MYOM1: variants seen among roughly 807,000 people sequenced by gnomAD.
The protein encoded by MYOM1 is myomesin 1, also known as myomesin-1.
In MYOM1, 164 loss-of-function variants were observed where a neutral mutation model predicts 205.3. That is an observed-to-expected ratio of 0.80 (90% CI 0.70 to 0.91). The LOEUF is 0.91. MYOM1 is among the 40% of genes least tolerant of loss of function. The pLI is 0.00. For synonymous variants in MYOM1, 772 were observed against 789.4 expected, an observed-to-expected ratio of 0.98 and a Z score of 0.37; for missense variants, 2,011 against 2,127.3, an observed-to-expected ratio of 0.95 and a Z score of 1.08.
intron 14 of MYOM1, among the ~76,000 whole-genome samples, chr18:3,136,556 A>G (rs1445207255): frequency 1.3e-5 from 2 of 151,666 alleles, no homozygotes; most frequent in Non-Finnish European, 2.9e-5. Flanking sequence ...CCTCCCAAGT[A>G]GTTGGGACTA....
rs1049818461 is a variant in MYOM1 at position 3,094,117 on chromosome 18, C to G, written c.3864+53G>C. 3.8e-6 allele frequency: 6 copies of G among 1,573,772 alleles called. No individual in the cohort carries two copies. The African/African-American group carries it at 8.1e-5, about 21-fold the overall frequency. On this transcript the variant is annotated intron_variant, in intron 26 of 37. Transcript: ENST00000356443. ...CATATCCACATCCACATAAGGCTTCCTCAGTGTATTCTACAATGATACATT... is the reference window on the plus strand; with the variant it reads ...CATATCCACATCCACATAAGGCTTCGTCAGTGTATTCTACAATGATACATT...
rs192272676 is a variant in MYOM1 at position 3,071,157 on chromosome 18, C to T, written c.4764+677G>A. Among the ~76,000 whole-genome samples, 216 of 152,170 alleles carry T rather than the reference C, an allele frequency of 1.4e-3. 2 individuals carry two copies. Among genetic ancestry groups the T allele is most frequent in the African/African-American group, 4.8e-3 (198 of 41,508 alleles). On this transcript the variant is annotated intron_variant, in intron 37 of 37. Coordinates refer to ENST00000356443, the MANE Select transcript of MYOM1 (RefSeq NM_003803.4). ...AAGCCTGTTTTCAACAGAACTAGAG[C>T]CTATAGAAATTTTCATATTCCACTC...
chr18:3,168,767 C>A (rs1166750727), intron 9 of MYOM1, 50 bp downstream of exon 9: 4 of 1,598,180 alleles, frequency 2.5e-6, no homozygotes, highest in Non-Finnish European at 2.6e-6. Flanking sequence ...GCAATCTGGT[C>A]TACAACCTTC....
the MYOM1 span, among the ~76,000 whole-genome samples, chr18:3,231,534 C>CTTTTTTTTT: frequency 8.3e-6 from 1 of 120,220 alleles, no homozygotes. Flanking sequence ...AATATGCATC[C>CTTTTTTTTT]TTTTTTTTTT....
At chr18:3,225,778 G>T in the MYOM1 span, among the ~76,000 whole-genome samples, 1 of 152,120 alleles carries the variant, frequency 6.6e-6, no homozygotes, top group Non-Finnish European at 1.5e-5. Context: ...CTCCCAGCAC[G>T]CCCCTTCTTC....
intron 10 of MYOM1, among the ~76,000 whole-genome samples, chr18:3,155,404 T>C (rs975383808): frequency 6.6e-6 from 1 of 152,154 alleles, no homozygotes; most frequent in Non-Finnish European, 1.5e-5. Flanking sequence ...TTTTGTATTT[T>C]TGGTAGAGAT....
intron 14 of MYOM1, among the ~76,000 whole-genome samples, chr18:3,136,488 C>T (rs1026432832): frequency 6.6e-6 from 1 of 152,064 alleles, no homozygotes; most frequent in African/African-American, 2.4e-5. Flanking sequence ...TACAGTGGCA[C>T]AATCACGGCT....
At chr18:3,157,513 A>G (rs1455932519) in intron 10 of MYOM1, among the ~76,000 whole-genome samples, 1 of 151,800 alleles carries the variant, frequency 6.6e-6, no homozygotes, top group Non-Finnish European at 1.5e-5. Context: ...CTCTGTCTCT[A>G]TGCATTTTAA....
chr18:3,069,921 C>A (rs1390222217), intron 37 of MYOM1, among the ~76,000 whole-genome samples: 1 of 152,104 alleles, frequency 6.6e-6, no homozygotes, highest in African/African-American at 2.4e-5. Flanking sequence ...ACAAAAGAAC[C>A]CCTGCAGTGG....
chr18:3,195,491 T>C (rs1310202635), intron 2 of MYOM1, among the ~76,000 whole-genome samples: 1 of 152,168 alleles, frequency 6.6e-6, no homozygotes, highest in African/African-American at 2.4e-5. Context: ...TTTAAAGTGG[T>C]ATTTTCCCTC....
chr18:3,223,241 AATAAG>A (rs1426699032), upstream of MYOM1, among the ~76,000 whole-genome samples: 2 of 152,254 alleles, frequency 1.3e-5, no homozygotes, highest in Non-Finnish European at 2.9e-5. Flanking sequence ...AAGATAATCA[AATAAG>A]ATATTGTAAA....
Position 3,155,125 on chromosome 18 carries a change from G to T in MYOM1, c.1502-37C>A, listed in dbSNP as rs377193878. Reference sequence around the variant, plus strand: ...GAGAAGGATCCCATTAACCCTCTCAGACATGCTGTCAGTCGGCAGGCAGGT... The same window carrying T: ...GAGAAGGATCCCATTAACCCTCTCATACATGCTGTCAGTCGGCAGGCAGGT... On this transcript the variant is annotated intron_variant, in intron 10 of 37. Coordinates refer to ENST00000356443, the MANE Select transcript of MYOM1 (RefSeq NM_003803.4). 8.9e-6 allele frequency: 14 copies of T among 1,569,326 alleles called. No homozygotes were observed. The African/African-American group carries it at 1.8e-4, about 20-fold the overall frequency.
chr18:3,151,002 A>ATGT (rs2080212686), intron 12 of MYOM1, among the ~76,000 whole-genome samples: 1 of 60,290 alleles, frequency 1.7e-5, no homozygotes, highest in Non-Finnish European at 3.4e-5. Flanking sequence ...TTTTTTTTTC[A>ATGT]TTTTTTTCAT....
At chr18:3,185,600 G>T (rs927766525) in intron 5 of MYOM1, among the ~76,000 whole-genome samples, 4 of 152,058 alleles carry the variant, frequency 2.6e-5, no homozygotes, top group African/African-American at 9.7e-5. Flanking sequence ...AGGCCAAATT[G>T]TGCAACTCTA....
chr18:3,233,503 T>C, the MYOM1 span, among the ~76,000 whole-genome samples: 2 of 152,190 alleles, frequency 1.3e-5, no homozygotes, highest in African/African-American at 2.4e-5. Context: ...GTGTAGCACA[T>C]GGCAGGACAC....
chr18:3,149,039 T>C, intron 13 of MYOM1, 106 bp downstream of exon 13: 1 of 866,464 alleles, frequency 1.2e-6, no homozygotes, highest in South Asian at 1.4e-5. Context: ...TTTTAGAATG[T>C]TCTTACCAAA....
At chr18:3,184,781 G>C (rs1050123620) in intron 5 of MYOM1, among the ~76,000 whole-genome samples, 2 of 152,218 alleles carry the variant, frequency 1.3e-5, no homozygotes, top group Non-Finnish European at 1.5e-5. Flanking sequence ...GCTTTGCACG[G>C]GGCTCAAGGG....
chr18:3,217,669 C>T (rs1023794756), intron 1 of MYOM1, among the ~76,000 whole-genome samples: 2 of 152,042 alleles, frequency 1.3e-5, no homozygotes, highest in Non-Finnish European at 1.5e-5. Context: ...TAAAAGAAAA[C>T]AGATGAGGAC....
intron 25 of MYOM1, among the ~76,000 whole-genome samples, chr18:3,099,069 C>T (rs1165988174): frequency 6.6e-6 from 1 of 152,022 alleles, no homozygotes; most frequent in Non-Finnish European, 1.5e-5. Context: ...TCCTCTCGCT[C>T]CGGCCTCCCA....
Sources: allele counts gnomAD v4.1 joint callset (sites outside exome capture counted in the v4.1 genomes callset), GRCh38; gene constraint gnomAD v4.1.1; transcripts MANE v1.5; gene names NCBI Gene and HGNC (gene_info 2026-07-23, HGNC 2026-07-21).